Variants in RABGEF1 observed in about 807,000 individuals in gnomAD.
RABGEF1 encodes rab5 GDP/GTP exchange factor.
RABGEF1 carries 26 observed loss-of-function variants against 57.3 expected under a neutral mutation model. The observed-to-expected ratio is 0.45, with a 90% CI of 0.33 to 0.63. The LOEUF (loss-of-function observed/expected upper bound fraction) is 0.63. Ranked by LOEUF, RABGEF1 falls within the 20% of genes least tolerant of loss-of-function variation. The probability of loss-of-function intolerance (pLI) is 0.02; values close to 1 mark genes in which losing one functional copy is unlikely to be tolerated. For synonymous variants in RABGEF1, 185 were observed against 210.7 expected (o/e 0.88, Z 1.06); for missense variants, 464 against 607.6 (o/e 0.76, Z 2.48).
intron 1 of RABGEF1, among the ~76,000 whole-genome samples, chr7:66,747,545 T>G (rs1321476412): frequency 1.3e-5 from 2 of 152,196 alleles, no homozygotes; most frequent in African/African-American, 4.8e-5. Flanking sequence ...AAAATCGCTT[T>G]TGGGGGATTT....
chr7:66,701,907 A>G (rs1793336915), intron 1 of RABGEF1, among the ~76,000 whole-genome samples: 1 of 152,176 alleles, frequency 6.6e-6, no homozygotes. Context: ...AATTGTGGTT[A>G]AGTATACATG....
the RABGEF1 span, among the ~76,000 whole-genome samples, chr7:66,655,321 C>A: frequency 6.6e-6 from 1 of 152,126 alleles, no homozygotes; most frequent in Non-Finnish European, 1.5e-5. Flanking sequence ...AGGGACTCTG[C>A]CGCTTTGGAG....
At chr7:66,755,871 G>A (rs556717391) in intron 1 of RABGEF1, 5 of 504,476 alleles carry the variant, frequency 9.9e-6, no homozygotes, top group African/African-American at 9.8e-5. Flanking sequence ...ATTCCAGGGA[G>A]TTGATTATCA....
chr7:66,740,738 T>G lies in RABGEF1; in HGVS notation c.-72T>G, dbSNP rs1198665825. Reference sequence around the variant, plus strand: ...GGGAGCTGGCCGCGGAGCCCAGACCTACCCGGGCGAAGCGGGCGAGCGGTG... The same window carrying G: ...GGGAGCTGGCCGCGGAGCCCAGACCGACCCGGGCGAAGCGGGCGAGCGGTG... On this transcript the variant is annotated 5_prime_UTR_variant, in exon 1 of 9. Transcript: ENST00000284957. 1 of 152,568 alleles carries G rather than the reference T, an allele frequency of 6.6e-6. No homozygotes were observed. Among genetic ancestry groups the G allele is most frequent in the Non-Finnish European group, 1.5e-5 (1 of 68,444 alleles). The allele number at this position is 152,568 out of a possible 1,614,324, so 9.5% of individuals were successfully genotyped here.
intron 1 of RABGEF1, among the ~76,000 whole-genome samples, chr7:66,687,056 C>T (rs1413802509): frequency 2.0e-5 from 3 of 148,688 alleles, no homozygotes; most frequent in South Asian, 2.1e-4. Context: ...CTCCTGACCT[C>T]GTGATCTGCC....
At chr7:66,743,831 A>T (rs2129051499) in intron 1 of RABGEF1, among the ~76,000 whole-genome samples, 1 of 152,008 alleles carries the variant, frequency 6.6e-6, no homozygotes, top group Admixed American at 6.6e-5. Context: ...GAATCCTTGT[A>T]TGTTTCCCAG....
chr7:66,767,444 T>C (rs2129100437), intron 1 of RABGEF1, among the ~76,000 whole-genome samples: 1 of 152,342 alleles, frequency 6.6e-6, no homozygotes, highest in South Asian at 2.1e-4. Context: ...CAAAAAACTT[T>C]CTCGTGCTAA....
chr7:66,734,015 A>G (rs1797643251), intron 2 of RABGEF1, among the ~76,000 whole-genome samples: 1 of 152,126 alleles, frequency 6.6e-6, no homozygotes, highest in Non-Finnish European at 1.5e-5. Flanking sequence ...AAAAACAAAA[A>G]ACAAAAAAAA....
intron 2 of RABGEF1, 42 bp downstream of exon 2, chr7:66,772,120 T>C: frequency 1.5e-6 from 2 of 1,360,270 alleles, no homozygotes. Flanking sequence ...GTGACGTGAC[T>C]GGATACATAG....
At chr7:66,700,487 C>T (rs1290197933) in intron 1 of RABGEF1, among the ~76,000 whole-genome samples, 1 of 137,200 alleles carries the variant, frequency 7.3e-6, no homozygotes, top group Non-Finnish European at 1.6e-5. Flanking sequence ...AAGCGGGCCC[C>T]GGAGGGGGAG....
the RABGEF1 span, among the ~76,000 whole-genome samples, chr7:66,672,270 A>G: frequency 2.2e-4 from 34 of 151,708 alleles, no homozygotes; most frequent in African/African-American, 8.2e-4. Context: ...AAAATACAAA[A>G]AAAAAAAAAA....
intron 1 of RABGEF1, among the ~76,000 whole-genome samples, chr7:66,744,041 CTT>C (rs111338333): frequency 1.1e-4 from 10 of 95,010 alleles, no homozygotes; most frequent in Admixed American, 3.5e-4. Context: ...CTTTTCTTTT[CTT>C]TTTTTTTTTT....
rs3800816 is a variant in RABGEF1, at chr7:66,790,930, A to G, written c.514-4581A>G. 1.7e-3 allele frequency among the ~76,000 whole-genome samples: 262 copies of G among 152,338 alleles called. 6 individuals are homozygous for G. In the East Asian group the frequency reaches 0.046, roughly 26 times the overall value. On this transcript the variant is annotated intron_variant, in intron 4 of 8. Transcript: ENST00000284957. Reference sequence around the variant, plus strand: ...CATCAAAGTATTTTAAATGAACAAAATGTCTTTGGGAATTCTGCTTTTTGG... The same window carrying G: ...CATCAAAGTATTTTAAATGAACAAAGTGTCTTTGGGAATTCTGCTTTTTGG...
At chr7:66,797,319 AAAGAGAGAG>A in intron 5 of RABGEF1, 46 bp from the exon 6 acceptor site, 7 of 1,335,506 alleles carry the variant, frequency 5.2e-6, no homozygotes, top group Admixed American at 2.7e-5. Flanking sequence ...AAAAAAAAAA[AAAGAGAGAG>A]AAAAAATATA....
intron 1 of RABGEF1, among the ~76,000 whole-genome samples, chr7:66,685,235 C>A (rs1246677916): frequency 7.2e-6 from 1 of 138,816 alleles, no homozygotes; most frequent in Non-Finnish European, 1.5e-5. Flanking sequence ...GCCACTACAA[C>A]CTCCACCTCC....
chr7:66,730,748 G>A (rs1036789496), intron 2 of RABGEF1, among the ~76,000 whole-genome samples: 10 of 152,026 alleles, frequency 6.6e-5, no homozygotes, highest in Admixed American at 6.6e-5. Flanking sequence ...GGTAGAGATG[G>A]GATTTCACCA....
At chr7:66,792,351 G>A (rs1458706253) in intron 4 of RABGEF1, among the ~76,000 whole-genome samples, 1 of 152,164 alleles carries the variant, frequency 6.6e-6, no homozygotes, top group African/African-American at 2.4e-5. Context: ...AAATTAACCT[G>A]CCATGGTTTC....
In RABGEF1 at chr7:66,752,475, CAA is replaced by C. The variant is rs1410089406; in HGVS notation, c.-18+11684_-18+11685del. 1.0e-4 allele frequency among the ~76,000 whole-genome samples: 15 copies of C among 148,090 alleles called. No individual in the cohort carries two copies. The East Asian group carries it at 3.0e-3, about 29-fold the overall frequency. On this transcript the variant is annotated intron_variant, in intron 1 of 8. Coordinates refer to ENST00000284957, the MANE Select transcript of RABGEF1 (RefSeq NM_014504.3). ...TGCCACTGCACTCCAGCCTGGGGAA[CAA>C]GAGTGAAACTCCGTCTAAAAAAAAA...
chr7:66,664,434 T>G, the RABGEF1 span, among the ~76,000 whole-genome samples: 2 of 151,622 alleles, frequency 1.3e-5, no homozygotes, highest in African/African-American at 2.4e-5. Context: ...TTTTGTTTTT[T>G]TTTTTTTAAT....
Sources: allele counts gnomAD v4.1 joint callset (sites outside exome capture counted in the v4.1 genomes callset), GRCh38; gene constraint gnomAD v4.1.1; transcripts MANE v1.5; gene names NCBI Gene and HGNC (gene_info 2026-07-23, HGNC 2026-07-21).